PHF14: variants seen among roughly 807,000 people sequenced by gnomAD.
PHF14 encodes the protein PHD finger protein 14.
In PHF14, 55 loss-of-function variants were observed where a neutral mutation model predicts 117.9. The observed-to-expected ratio is 0.47, with a 90% CI of 0.38 to 0.58. PHF14 has a LOEUF of 0.58. Ranked by LOEUF, PHF14 falls within the 20% of genes least tolerant of loss-of-function variation. The pLI, the probability that PHF14 is intolerant of heterozygous loss-of-function variation, is 0.00. For synonymous variants in PHF14, 409 were observed against 368.6 expected, an observed-to-expected ratio of 1.11 and a Z score of -1.26; for missense variants, 978 against 1,122.2, an observed-to-expected ratio of 0.87 and a Z score of 1.84.
rs755827547 is a variant in PHF14 at position 11,021,476 on chromosome 7, G to A, written c.1206-1392G>A. 1.4e-3 allele frequency among the ~76,000 whole-genome samples: 220 copies of A among 152,120 alleles called. 1 individual carries two copies. Among genetic ancestry groups the A allele is most frequent in the Non-Finnish European group, 1.4e-3 (98 of 68,002 alleles). ...CTCAAGTTGGTATCCTCACATGAGT[G>A]GTTGGGAGAATGATATACTTGTATG... On this transcript the variant is annotated intron_variant, in intron 5 of 17. Coordinates refer to ENST00000634607, the MANE Select transcript of PHF14 (RefSeq NM_001007157.2).
At chr7:11,134,145 A>G (rs968652918) in intron 17 of PHF14, among the ~76,000 whole-genome samples, 3 of 151,962 alleles carry the variant, frequency 2.0e-5, no homozygotes, top group African/African-American at 7.2e-5. Context: ...TTTTTTGGGC[A>G]GCGTTCTAAG....
At chr7:11,118,328 T>G (rs1390771537) in intron 17 of PHF14, among the ~76,000 whole-genome samples, 2 of 151,858 alleles carry the variant, frequency 1.3e-5, no homozygotes, top group East Asian at 3.8e-4. Flanking sequence ...GATTTCCAGT[T>G]GATCCTCTAC....
chr7:11,166,449 T>C lies in PHF14; in HGVS notation c.2773-2967T>C, dbSNP rs1789204189. On this transcript the variant is annotated intron_variant, in intron 17 of 17. Transcript: ENST00000634607. ...ATTTTATTTATTATGCAGTCATTTA[T>C]CAATTATATTTTATTTGCTGTCTGA... Among the ~76,000 whole-genome samples the C allele has an allele frequency of 2.0e-5, 3 of 152,210 alleles. No individual in the cohort carries two copies. In the South Asian group the frequency reaches 6.2e-4, roughly 31 times the overall value.
At chr7:11,055,283 C>G (rs1237220804) in intron 14 of PHF14, among the ~76,000 whole-genome samples, 1 of 152,136 alleles carries the variant, frequency 6.6e-6, no homozygotes, top group African/African-American at 2.4e-5. Context: ...GACATATTTT[C>G]TAATACTCTA....
chr7:11,079,115 A>G (rs952173489), intron 16 of PHF14, among the ~76,000 whole-genome samples: 2 of 152,178 alleles, frequency 1.3e-5, no homozygotes, highest in Non-Finnish European at 2.9e-5. Context: ...AGCTCTAACT[A>G]TTACAATGAA....
intron 5 of PHF14, among the ~76,000 whole-genome samples, chr7:11,015,821 A>G (rs74874929): frequency 7.6e-6 from 1 of 131,280 alleles, no homozygotes; most frequent in African/African-American, 2.8e-5. Context: ...TCATGCATAG[A>G]TTTTTTTTTT....
At chr7:11,092,950 A>G (rs917970165) in intron 16 of PHF14, among the ~76,000 whole-genome samples, 1 of 152,186 alleles carries the variant, frequency 6.6e-6, no homozygotes, top group African/African-American at 2.4e-5. Flanking sequence ...TGGCATGGCA[A>G]CGTTCTAGAT....
chr7:11,021,408 C>T (rs1364925511), intron 5 of PHF14, among the ~76,000 whole-genome samples: 6 of 152,192 alleles, frequency 3.9e-5, no homozygotes, highest in East Asian at 3.9e-4. Flanking sequence ...ATAGTTGTCT[C>T]GGCCATGATT....
At chr7:11,065,925 T>C (rs1785408420) in intron 16 of PHF14, among the ~76,000 whole-genome samples, 1 of 152,194 alleles carries the variant, frequency 6.6e-6, no homozygotes, top group African/African-American at 2.4e-5. Flanking sequence ...TTATTTTGTA[T>C]TGTGGCCATT....
At chr7:11,078,067 T>G (rs989470605) in intron 16 of PHF14, among the ~76,000 whole-genome samples, 1 of 152,182 alleles carries the variant, frequency 6.6e-6, no homozygotes, top group African/African-American at 2.4e-5. Context: ...CACACTGTGG[T>G]ATTTGAATAG....
intron 16 of PHF14, chr7:11,063,723 T>A: frequency 1.1e-6 from 1 of 869,746 alleles, no homozygotes; most frequent in Non-Finnish European, 1.4e-6. Context: ...AATTTTTATT[T>A]TAAAAATCAG....
intron 4 of PHF14, among the ~76,000 whole-genome samples, chr7:10,993,337 C>CTGCTGGACTTGTGGGACTT (rs1583339570): frequency 1.3e-5 from 2 of 152,230 alleles, no homozygotes; most frequent in East Asian, 3.9e-4. Flanking sequence ...TTCTGGGAGT[C>CTGCTGGACTTGTGGGACTT]TGCTGGACTT....
chr7:11,102,647 A>G, intron 16 of PHF14: 1 of 1,497,194 alleles, frequency 6.7e-7, no homozygotes, highest in Non-Finnish European at 8.9e-7. Flanking sequence ...TTGTCACTGC[A>G]AAAAGTTGCC....
At chr7:11,062,720 C>G in intron 16 of PHF14, 1 of 985,076 alleles carries the variant, frequency 1.0e-6, no homozygotes, top group Non-Finnish European at 1.2e-6. Context: ...TGGCTTTTCC[C>G]AACGGTCCAG....
chr7:11,074,538 T>C (rs1413396637), intron 16 of PHF14, among the ~76,000 whole-genome samples: 1 of 152,170 alleles, frequency 6.6e-6, no homozygotes, highest in African/African-American at 2.4e-5. Context: ...AGTCATTTCC[T>C]TGCTCCTGTA....
chr7:11,038,580 C>A (rs958441498), intron 10 of PHF14, among the ~76,000 whole-genome samples, 180 bp from the exon 11 acceptor site: 3 of 151,682 alleles, frequency 2.0e-5, no homozygotes, highest in Non-Finnish European at 4.4e-5. Context: ...ATCGCTTGAA[C>A]CCCAGAGGCG....
At chr7:11,012,307 C>T (rs1783382372) in intron 4 of PHF14, among the ~76,000 whole-genome samples, 1 of 151,982 alleles carries the variant, frequency 6.6e-6, no homozygotes, top group Non-Finnish European at 1.5e-5. Flanking sequence ...AGTCACCCCT[C>T]AGTATACCTA....
intron 1 of PHF14, among the ~76,000 whole-genome samples, 188 bp from the exon 2 acceptor site, chr7:10,974,647 G>C (rs73277328): frequency 1.3e-5 from 2 of 152,152 alleles, no homozygotes; most frequent in African/African-American, 4.8e-5. Flanking sequence ...CTTTGAAACT[G>C]CCCGTGGAGC....
At chr7:11,034,346 A>G (rs1261227973) in intron 7 of PHF14, among the ~76,000 whole-genome samples, 4 of 152,000 alleles carry the variant, frequency 2.6e-5, no homozygotes, top group African/African-American at 9.7e-5. Flanking sequence ...TACATTGTAA[A>G]TTACTTTTTT....
Sources: gnomAD v4.1 joint callset for allele counts (sites outside exome capture counted in the v4.1 genomes callset) on GRCh38, gnomAD v4.1.1 for gene constraint, MANE v1.5 for transcripts, NCBI Gene and HGNC (gene_info 2026-07-23, HGNC 2026-07-21) for gene names.